Variants in TSC22D2 observed in about 807,000 individuals in gnomAD.
The protein encoded by TSC22D2 is TSC22 domain family member 2, also known as TSC22 domain family protein 2.
TSC22D2 carries 5 observed loss-of-function variants against 50.1 expected under a neutral mutation model. That is an observed-to-expected ratio of 0.10 (90% CI 0.05 to 0.21). TSC22D2 has a LOEUF of 0.21. TSC22D2 is among the 10% of genes least tolerant of loss of function. The probability of loss-of-function intolerance (pLI) is 1.00; values close to 1 mark genes in which losing one functional copy is unlikely to be tolerated. For synonymous variants in TSC22D2, 501 were observed against 450.1 expected (o/e 1.11, Z -1.43); for missense variants, 1,003 against 1,015.5 (o/e 0.99, Z 0.17).
chr3:150,431,321 C>G (rs1328961334), intron 1 of TSC22D2, among the ~76,000 whole-genome samples: 2 of 147,654 alleles, frequency 1.4e-5, no homozygotes, highest in East Asian at 4.0e-4. Context: ...GAAGATTATT[C>G]TCTTACCAAC....
At chr3:150,434,162 T>G (rs921435106) in intron 1 of TSC22D2, among the ~76,000 whole-genome samples, 2 of 151,864 alleles carry the variant, frequency 1.3e-5, no homozygotes, top group African/African-American at 4.8e-5. Context: ...GTTTTTTTTT[T>G]TTTTGGGACA....
At position 150,458,634 on chromosome 3, in the gene TSC22D2, T is replaced by C; in HGVS notation, c.2269T>C (p.Ter757GlnextTer7). The C allele has an allele frequency of 6.2e-7, 1 of 1,613,872 alleles. No individual in the cohort carries two copies. Among genetic ancestry groups the C allele is most frequent in the African/African-American group, 1.3e-5 (1 of 75,028 alleles). ...ACAGCAGCCGAATGTCTCCTCAGCA[T>C]AAAGCTTTCTTAAGCCTCATTAAGA... ...PPQQPNVSSA[*>Q] The change falls in exon 3 of 3, where the codon TAA becomes CAA. Residue 757 changes from the stop codon to glutamine, a stop_lost. Transcript: ENST00000688009.
chr3:150,410,319 T>G lies in TSC22D2; in HGVS notation c.969T>G (p.Thr323=), dbSNP rs1017273604. ...AGGGAGCGGGGCCCGGGGGACAGAC[T>G]CTGCCGCCGACGAATGTAACCCTGG... ...QPQGAGPGGQ[T]LPPTNVTLAQ... Residue 323 remains threonine, a synonymous_variant, in exon 1 of 3, where the codon ACT becomes ACG. Coordinates refer to ENST00000688009, the MANE Select transcript of TSC22D2 (RefSeq NM_001303264.2). 1 of 1,576,764 alleles carries G rather than the reference T, an allele frequency of 6.3e-7. No homozygotes were observed. Among genetic ancestry groups the G allele is most frequent in the Non-Finnish European group, 8.6e-7 (1 of 1,160,466 alleles).
At chr3:150,443,877 A>G (rs1412280494) in intron 1 of TSC22D2, among the ~76,000 whole-genome samples, 4 of 152,208 alleles carry the variant, frequency 2.6e-5, no homozygotes, top group African/African-American at 4.8e-5. Context: ...CAAGGTTTTT[A>G]TCTTAAGATC....
At chr3:150,449,753 AGT>A (rs1254716368) in intron 1 of TSC22D2, among the ~76,000 whole-genome samples, 2 of 152,106 alleles carry the variant, frequency 1.3e-5, no homozygotes, top group Non-Finnish European at 2.9e-5. Flanking sequence ...TGGCTCAGAG[AGT>A]GAATAATTAA....
At chr3:150,446,304 T>TTC (rs1200977826) in intron 1 of TSC22D2, among the ~76,000 whole-genome samples, 1 of 152,142 alleles carries the variant, frequency 6.6e-6, no homozygotes. Flanking sequence ...ACAACTTTAA[T>TTC]TCTTCAGGGC....
chr3:150,429,693 T>C (rs1720321896), intron 1 of TSC22D2, among the ~76,000 whole-genome samples: 1 of 152,202 alleles, frequency 6.6e-6, no homozygotes, highest in Non-Finnish European at 1.5e-5. Context: ...TAAAACTGTT[T>C]GAAACTCATG....
At chr3:150,414,430 G>C (rs1719721861) in intron 1 of TSC22D2, among the ~76,000 whole-genome samples, 1 of 152,172 alleles carries the variant, frequency 6.6e-6, no homozygotes, top group African/African-American at 2.4e-5. Flanking sequence ...ACACAGTACA[G>C]ATCACTTTCC....
rs919115037 is a variant in TSC22D2, at chr3:150,461,448, C to T, written c.*2812C>T. 6.6e-6 allele frequency: 1 copy of T among 152,072 alleles called. No homozygotes were observed. Among genetic ancestry groups the T allele is most frequent in the Non-Finnish European group, 1.5e-5 (1 of 68,014 alleles). 9.4% of individuals were successfully genotyped at this position (152,072 alleles called of 1,614,324 possible). A position where few individuals can be genotyped will look rare whatever the true frequency, so the allele number is the denominator to read the frequency against. The stretch of plus-strand genomic sequence containing the variant: ...CTATCTAATTCTGTCAGTGTAATGC[C>T]CATAGAGCAAGGTCCCACATAAGCT... On this transcript the variant is annotated 3_prime_UTR_variant, in exon 3 of 3. Coordinates refer to ENST00000688009, the MANE Select transcript of TSC22D2 (RefSeq NM_001303264.2).
At chr3:150,448,305 G>T (rs1161985061) in intron 1 of TSC22D2, among the ~76,000 whole-genome samples, 1 of 152,116 alleles carries the variant, frequency 6.6e-6, no homozygotes, top group Non-Finnish European at 1.5e-5. Context: ...GTGAGGCCCT[G>T]TTGCTAACAA....
rs980513631 is a variant in TSC22D2 at position 150,461,394 on chromosome 3, T to A, written c.*2758T>A. On this transcript the variant is annotated 3_prime_UTR_variant, in exon 3 of 3. Coordinates refer to ENST00000688009, the MANE Select transcript of TSC22D2 (RefSeq NM_001303264.2). ...AATATTAACTGATTGAGATCCCAAT[T>A]TGGAGGCACAGTCTTACAGGAATGC... 6.6e-6 allele frequency: 1 copy of A among 152,214 alleles called. No individual in the cohort carries two copies. Among genetic ancestry groups the A allele is most frequent in the Non-Finnish European group, 1.5e-5 (1 of 68,036 alleles). 9.4% of individuals were successfully genotyped at this position (152,214 alleles called of 1,614,324 possible). A position where few individuals can be genotyped will look rare whatever the true frequency, so the allele number is the denominator to read the frequency against.
chr3:150,410,406 G>C lies in TSC22D2; in HGVS notation c.1056G>C (p.Gln352His). The C allele has an allele frequency of 6.2e-7, 1 of 1,607,996 alleles. No homozygotes were observed. Among genetic ancestry groups the C allele is most frequent in the Admixed American group, 1.7e-5 (1 of 59,752 alleles). Reference sequence around the variant, plus strand: ...CTGCAGTGGGCGCCCCCGCGGCGCAGCAGCCCCAGCAGTTCGCGTATCCTC... The same window carrying C: ...CTGCAGTGGGCGCCCCCGCGGCGCACCAGCCCCAGCAGTTCGCGTATCCTC... ...PGPAVGAPAA[Q>H]QPQQFAYPQP... Residue 352 changes from glutamine to histidine, a missense_variant, in exon 1 of 3, where the codon CAG (glutamine) becomes CAC (histidine). Transcript: ENST00000688009.
rs529581089 is a variant in TSC22D2 at position 150,461,756 on chromosome 3, C to G, written c.*3120C>G. On this transcript the variant is annotated 3_prime_UTR_variant, in exon 3 of 3. Coordinates refer to ENST00000688009, the MANE Select transcript of TSC22D2 (RefSeq NM_001303264.2). ...CGTTTTATAATCAAGCCTCCAGTGA[C>G]TGGGGATCACAGCTGCCATTATTCA... The G allele has an allele frequency of 6.6e-6, 1 of 152,024 alleles. No individual in the cohort carries two copies. The highest frequency in any genetic ancestry group is 2.1e-4 in the South Asian group (1 of 4,826). The allele number at this position is 152,024 out of a possible 1,614,324, so 9.4% of individuals were successfully genotyped here.
At chr3:150,447,009 A>C (rs1720908935) in intron 1 of TSC22D2, among the ~76,000 whole-genome samples, 1 of 152,218 alleles carries the variant, frequency 6.6e-6, no homozygotes, top group African/African-American at 2.4e-5. Flanking sequence ...AGAAATAGGC[A>C]AAATGAAAAG....
In TSC22D2 at chr3:150,410,992, A is replaced by G; in HGVS notation, c.1642A>G (p.Ser548Gly). ...ACAGCTGAGCAGCCATACGCCAGTC[A>G]GCAGGAGCAGCAGCATAATCCAGCA... is the stretch of plus-strand genomic sequence containing the variant. ...SQQLSSHTPV[S>G]RSSSIIQHVG... Residue 548 changes from serine (S) to glycine (G), a missense_variant, in exon 1 of 3, where the codon AGC becomes GGC. This residue lies in a region of TSC22D2 where 696 missense variants were observed against 647.8 expected (regional missense o/e 1.07). Coordinates refer to ENST00000688009, the MANE Select transcript of TSC22D2 (RefSeq NM_001303264.2). 5.0e-6 allele frequency: 8 copies of G among 1,614,226 alleles called. No homozygotes were observed. The highest frequency in any genetic ancestry group is 6.8e-6 in the Non-Finnish European group (8 of 1,180,034).
chr3:150,447,385 A>C (rs370829689), intron 1 of TSC22D2, among the ~76,000 whole-genome samples: 1 of 152,146 alleles, frequency 6.6e-6, no homozygotes, highest in African/African-American at 2.4e-5. Flanking sequence ...TGAGTCGCCT[A>C]CTGCATTCTT....
At chr3:150,448,731 C>T (rs922944528) in intron 1 of TSC22D2, among the ~76,000 whole-genome samples, 14 of 151,908 alleles carry the variant, frequency 9.2e-5, no homozygotes, top group South Asian at 6.2e-4. Flanking sequence ...AGTTTTAAAA[C>T]GAAGTTTCTT....
Position 150,410,548 on chromosome 3 carries a change from G to A in TSC22D2, c.1198G>A (p.Gly400Ser). The A allele has an allele frequency of 6.4e-7, 1 of 1,554,300 alleles. No homozygotes were observed. Among genetic ancestry groups the A allele is most frequent in the Non-Finnish European group, 8.7e-7 (1 of 1,151,776 alleles). The change falls in exon 1 of 3, where the codon GGC (glycine) becomes AGC (serine). Residue 400 changes from glycine to serine, a missense_variant. By Grantham distance (56) the Gly-to-Ser change is moderately conservative. This residue lies in a region of TSC22D2 where 696 missense variants were observed against 647.8 expected (regional missense o/e 1.07). Coordinates refer to ENST00000688009, the MANE Select transcript of TSC22D2 (RefSeq NM_001303264.2). ...PPSPAQPSST[G>S]AAASPATAAT... ...AAGCCCCGCGCAGCCCTCGTCCACC[G>A]GCGCCGCAGCGAGCCCCGCCACGGC...
chr3:150,436,546 T>C (rs1720550173), intron 1 of TSC22D2, among the ~76,000 whole-genome samples: 2 of 152,302 alleles, frequency 1.3e-5, no homozygotes, highest in South Asian at 4.1e-4. Flanking sequence ...ATTTTAAAAA[T>C]TACAGTATTT....
Sources: allele counts gnomAD v4.1 joint callset (sites outside exome capture counted in the v4.1 genomes callset), GRCh38; gene constraint gnomAD v4.1.1; regional missense constraint gnomAD v4.1.1; transcripts MANE v1.5; gene names NCBI Gene and HGNC (gene_info 2026-07-23, HGNC 2026-07-21).